Variants in SLIT3 observed in about 807,000 individuals in gnomAD.
SLIT3 encodes slit homolog 3 protein.
Under a neutral mutation model 184.0 loss-of-function variants are expected in SLIT3, and 68 were observed. That is an observed-to-expected ratio of 0.37 (90% CI 0.30 to 0.45). The LOEUF is 0.45. Among genes scored for constraint, SLIT3 ranks in the 20% least tolerant of loss-of-function variants. The pLI, the probability that SLIT3 is intolerant of heterozygous loss-of-function variation, is 1.00. For missense variants in SLIT3, 1,707 were observed against 2,026.0 expected (o/e 0.84, Z 3.02); for synonymous variants, 831 against 828.6 (o/e 1.00, Z -0.05).
In SLIT3 at chr5:169,150,557, T is replaced by C. The variant is rs1035504900; in HGVS notation, c.413+42922A>G. Among the ~76,000 whole-genome samples, 5 of 151,158 alleles carry C rather than the reference T, an allele frequency of 3.3e-5. 1 individual carries two copies. Among genetic ancestry groups the C allele is most frequent in the Middle Eastern group, 3.4e-3 (1 of 294 alleles). On this transcript the variant is annotated intron_variant, in intron 4 of 35. Coordinates refer to ENST00000519560, the MANE Select transcript of SLIT3 (RefSeq NM_003062.4). The stretch of plus-strand genomic sequence containing the variant: ...CACACACACACACCCTTACCTCACA[T>C]AGGGATGTACAAACTTTGAATGGAG...
intron 5 of SLIT3, among the ~76,000 whole-genome samples, chr5:168,873,972 T>G (rs1431977694): frequency 6.6e-6 from 1 of 152,146 alleles, no homozygotes; most frequent in Non-Finnish European, 1.5e-5. Flanking sequence ...TCTGTGGAGC[T>G]AAAAATCACC....
chr5:169,295,985 G>A (rs1767491129), intron 1 of SLIT3, among the ~76,000 whole-genome samples: 1 of 152,186 alleles, frequency 6.6e-6, no homozygotes, highest in Admixed American at 6.5e-5. Flanking sequence ...AGTTTTGCAA[G>A]GTTGCTAAGC....
At chr5:168,854,410 C>T (rs111818974) in intron 5 of SLIT3, among the ~76,000 whole-genome samples, 1 of 150,780 alleles carries the variant, frequency 6.6e-6, no homozygotes, top group Non-Finnish European at 1.5e-5. Flanking sequence ...CCTTGTCTCT[C>T]AGATTCCTTG....
In SLIT3 at chr5:169,258,145, T is replaced by C. The variant is rs750936023; in HGVS notation, c.198-6686A>G. Among the ~76,000 whole-genome samples, 11 of 152,006 alleles carry C rather than the reference T, an allele frequency of 7.2e-5. No homozygotes were observed. In the South Asian group the frequency reaches 2.3e-3, roughly 32 times the overall value. On this transcript the variant is annotated intron_variant, in intron 1 of 35. Transcript: ENST00000519560. ...TACCAATAAAGAAATTTGACATGAG[T>C]TCACATACCAGGGAAGTGGGTAATG...
At chr5:169,132,433 A>G (rs1486163266) in intron 4 of SLIT3, among the ~76,000 whole-genome samples, 1 of 152,192 alleles carries the variant, frequency 6.6e-6, no homozygotes, top group Non-Finnish European at 1.5e-5. Context: ...TAAAATGAAC[A>G]TACAACTATT....
rs145778891 is a variant in SLIT3, at chr5:168,733,559, T to C, written c.2271-9075A>G. 4.5e-3 allele frequency among the ~76,000 whole-genome samples: 685 copies of C among 152,056 alleles called. 3 individuals are homozygous for C. Among genetic ancestry groups the C allele is most frequent in the African/African-American group, 0.016 (645 of 41,456 alleles). On this transcript the variant is annotated intron_variant, in intron 20 of 35. Transcript: ENST00000519560. ...AACCTCAATGTCCATCAACAGAGGA[T>C]TGGATAAAGAAAATGTGGTGTATAT... is the stretch of plus-strand genomic sequence containing the variant.
intron 16 of SLIT3, among the ~76,000 whole-genome samples, chr5:168,754,346 T>C (rs1173163888): frequency 6.6e-6 from 1 of 152,208 alleles, no homozygotes; most frequent in Non-Finnish European, 1.5e-5. Context: ...GCAACATGAA[T>C]GGCACTGGAG....
At chr5:168,752,401 T>G (rs1460938430) in intron 18 of SLIT3, 1 of 150,460 alleles carries the variant, frequency 6.6e-6, no homozygotes, top group Non-Finnish European at 1.5e-5. Context: ...TTTTTTTTTT[T>G]TTTTTTTTTT....
intron 4 of SLIT3, among the ~76,000 whole-genome samples, chr5:169,029,753 G>C (rs539060521): frequency 1.2e-4 from 19 of 152,154 alleles, no homozygotes; most frequent in Admixed American, 3.3e-4. Flanking sequence ...AGCATTGTGT[G>C]GGGAGGGAGG....
intron 4 of SLIT3, among the ~76,000 whole-genome samples, chr5:169,034,032 T>C (rs1016527675): frequency 2.6e-5 from 4 of 152,130 alleles, no homozygotes; most frequent in Admixed American, 2.0e-4. Context: ...CAGGATGGTC[T>C]TGATCTCTTG....
chr5:168,908,467 G>C (rs1224442064), intron 4 of SLIT3, among the ~76,000 whole-genome samples: 1 of 152,136 alleles, frequency 6.6e-6, no homozygotes, highest in Non-Finnish European at 1.5e-5. Flanking sequence ...GCGGTGGAGA[G>C]GACGGGAGAC....
rs70976498 is a variant in SLIT3 at position 168,703,944 on chromosome 5, CAAAA to C, written c.2845-3269_2845-3266del. ...TGGCAACGGAGTGAGACTCTGTCTCCAAAAAAAAAAAAAAAAAAAAAAAAAAGAC... is the reference window on the plus strand; with the variant it reads ...TGGCAACGGAGTGAGACTCTGTCTCCAAAAAAAAAAAAAAAAAAAAAAGAC... On this transcript the variant is annotated intron_variant, in intron 26 of 35. Coordinates refer to ENST00000519560, the MANE Select transcript of SLIT3 (RefSeq NM_003062.4). Among the ~76,000 whole-genome samples, 291 of 46,820 alleles carry C rather than the reference CAAAA, an allele frequency of 6.2e-3. 1 individual carries two copies. The highest frequency in any genetic ancestry group is 0.023 in the African/African-American group (276 of 11,822). The allele number at this position is 46,820 out of a possible 152,430, so 30.7% of individuals were successfully genotyped here. A position where few individuals can be genotyped will look rare whatever the true frequency, so the allele number is the denominator to read the frequency against.
chr5:168,916,737 T>C (rs1167009147), intron 4 of SLIT3, among the ~76,000 whole-genome samples: 2 of 152,236 alleles, frequency 1.3e-5, no homozygotes, highest in Admixed American at 6.5e-5. Context: ...CTTGCTTCCA[T>C]TTAACTCATC....
chr5:169,102,698 G>A (rs1760064366), intron 4 of SLIT3, among the ~76,000 whole-genome samples: 1 of 152,116 alleles, frequency 6.6e-6, no homozygotes, highest in Non-Finnish European at 1.5e-5. Flanking sequence ...GAGAAAGGGG[G>A]AGATTTATCA....
At chr5:168,916,034 C>T (rs1031375662) in intron 4 of SLIT3, among the ~76,000 whole-genome samples, 1 of 152,150 alleles carries the variant, frequency 6.6e-6, no homozygotes, top group Non-Finnish European at 1.5e-5. Flanking sequence ...GTTACATAGA[C>T]ATATTTTTAC....
chr5:169,232,263 T>C (rs1349929006), intron 3 of SLIT3, among the ~76,000 whole-genome samples: 1 of 152,202 alleles, frequency 6.6e-6, no homozygotes, highest in Non-Finnish European at 1.5e-5. Flanking sequence ...CTTGCTCTGT[T>C]GCCCAGACTA....
intron 3 of SLIT3, among the ~76,000 whole-genome samples, chr5:169,225,455 C>G (rs1302952022): frequency 6.6e-6 from 1 of 152,198 alleles, no homozygotes; most frequent in South Asian, 2.1e-4. Context: ...GCAAACATCA[C>G]CAAGTGTGGG....
In SLIT3 at chr5:168,795,576, C is replaced by A; in HGVS notation, c.938G>T (p.Arg313Leu). Residue 313 changes from arginine (R) to leucine (L), a missense_variant and splice_region_variant, in exon 10 of 36, where the codon CGC becomes CTC. Physicochemically the swap from Arg to Leu is moderately radical, Grantham distance 102 (BLOSUM62 -2). Coordinates refer to ENST00000519560, the MANE Select transcript of SLIT3 (RefSeq NM_003062.4). Reference sequence around the variant, plus strand: ...GGCTTTGATGGAGTTCTGTTCTAGGCGTCTGGGAAACAGAGCAGAGAAGAG... The same window carrying A: ...GGCTTTGATGGAGTTCTGTTCTAGGAGTCTGGGAAACAGAGCAGAGAAGAG... ...ANLPEGIVEI[R>L]LEQNSIKAIP... 6.2e-7 allele frequency: 1 copy of A among 1,613,004 alleles called. No individual in the cohort carries two copies. The highest frequency in any genetic ancestry group is 1.1e-5 in the South Asian group (1 of 91,050).
chr5:168,881,645 G>C (rs1759956850), intron 5 of SLIT3, among the ~76,000 whole-genome samples: 1 of 152,070 alleles, frequency 6.6e-6, no homozygotes, highest in African/African-American at 2.4e-5. Context: ...AGTTGTTTTT[G>C]GTTCATGTGA....
Sources: gnomAD v4.1 joint callset for allele counts (sites outside exome capture counted in the v4.1 genomes callset) on GRCh38, gnomAD v4.1.1 for gene constraint, MANE v1.5 for transcripts, NCBI Gene and HGNC (gene_info 2026-07-23, HGNC 2026-07-21) for gene names.